The following NDST4 variants were observed in gnomAD, a reference collection of about 807,000 sequenced individuals.
NDST4 encodes the protein N-heparan sulfate sulfotransferase 4.
Under a neutral mutation model 100.8 loss-of-function variants are expected in NDST4, and 63 were observed. The ratio of observed to expected loss-of-function variants is 0.62; its 90% CI spans 0.51 to 0.77. The LOEUF (loss-of-function observed/expected upper bound fraction) is 0.77, where lower values mean the gene tolerates loss of function less well. Ranked by LOEUF, NDST4 falls within the 30% of genes least tolerant of loss-of-function variation. NDST4 has a pLI of 0.00. For missense variants in NDST4, 943 were observed against 1,018.4 expected (o/e 0.93, Z 1.01); for synonymous variants, 377 against 361.8 (o/e 1.04, Z -0.48).
intron 6 of NDST4, among the ~76,000 whole-genome samples, chr4:114,925,886 A>G (rs1725376400): frequency 6.6e-6 from 1 of 152,142 alleles, no homozygotes; most frequent in African/African-American, 2.4e-5. Context: ...ATGAGTAGAA[A>G]AAATTAAATC....
intron 2 of NDST4, 126 bp downstream of exon 2, chr4:115,075,933 G>C (rs1643317727): frequency 8.9e-7 from 1 of 1,120,960 alleles, no homozygotes; most frequent in Admixed American, 2.8e-5. Context: ...TTTTCTAAAT[G>C]GCTATCTTAT....
At chr4:114,881,921 T>G (rs1440452367) in intron 6 of NDST4, among the ~76,000 whole-genome samples, 3 of 152,044 alleles carry the variant, frequency 2.0e-5, no homozygotes, top group African/African-American at 7.2e-5. Context: ...TCTATCAAAG[T>G]GCATTAGGAA....
At chr4:115,075,970 T>C (rs1729171246) in intron 2 of NDST4, 89 bp downstream of exon 2, 6 of 1,443,502 alleles carry the variant, frequency 4.2e-6, no homozygotes, top group African/African-American at 1.4e-5. Flanking sequence ...CTTAAAACTT[T>C]AGGGATTAAT....
intron 6 of NDST4, among the ~76,000 whole-genome samples, chr4:114,916,578 GTGTGTT>G (rs1316072855): frequency 4.9e-5 from 7 of 142,092 alleles, no homozygotes; most frequent in South Asian, 2.2e-4. Context: ...GTGTGTGTGT[GTGTGTT>G]TGTGTGTATG....
At position 115,100,941 on chromosome 4, in the gene NDST4, G is replaced by C. The variant is rs541948657; in HGVS notation, c.-247+12503C>G. On this transcript the variant is annotated intron_variant, in intron 1 of 13. Coordinates refer to ENST00000264363, the MANE Select transcript of NDST4 (RefSeq NM_022569.3). ...AAAAGCGTGGATGGTTATGTTGTTT[G>C]TTAAAGAGACAAGGTCGTGAATATT... Among the ~76,000 whole-genome samples, 4 of 151,604 alleles carry C rather than the reference G, an allele frequency of 2.6e-5. No homozygotes were observed. The South Asian group carries it at 8.3e-4, about 31-fold the overall frequency.
chr4:114,938,305 T>G (rs764660244), intron 4 of NDST4, among the ~76,000 whole-genome samples: 6 of 152,192 alleles, frequency 3.9e-5, no homozygotes, highest in Admixed American at 6.5e-5. Context: ...CTCAATTTGT[T>G]TTTATAAATC....
intron 2 of NDST4, among the ~76,000 whole-genome samples, chr4:115,033,148 TA>T (rs1248508866): frequency 0.047 from 6,130 of 131,342 alleles, 226 homozygotes; most frequent in South Asian, 0.11. Context: ...TATATATATA[TA>T]TATATATATT....
chr4:115,084,626 G>T (rs1273563132), intron 1 of NDST4, among the ~76,000 whole-genome samples: 1 of 152,178 alleles, frequency 6.6e-6, no homozygotes, highest in Admixed American at 6.6e-5. Flanking sequence ...TCCAGCTGTG[G>T]ATAAAAGGGG....
intron 2 of NDST4, among the ~76,000 whole-genome samples, chr4:115,004,433 G>T (rs1727367668): frequency 6.6e-6 from 1 of 152,134 alleles, no homozygotes. Context: ...TTTGCAGACT[G>T]CTTTTGCAGC....
At chr4:114,979,804 T>C (rs1204504820) in intron 2 of NDST4, among the ~76,000 whole-genome samples, 1 of 151,882 alleles carries the variant, frequency 6.6e-6, no homozygotes, top group East Asian at 1.9e-4. Flanking sequence ...TCTGGATTAA[T>C]GAGGGAGTAA....
At chr4:114,853,891 C>T (rs1723732898) in intron 7 of NDST4, among the ~76,000 whole-genome samples, 1 of 152,052 alleles carries the variant, frequency 6.6e-6, no homozygotes, top group Non-Finnish European at 1.5e-5. Context: ...TTGATACAGG[C>T]ATACAATACA....
At chr4:115,003,884 A>G (rs1727354388) in intron 2 of NDST4, among the ~76,000 whole-genome samples, 2 of 152,022 alleles carry the variant, frequency 1.3e-5, no homozygotes, top group African/African-American at 2.4e-5. Context: ...AAAAAAGTTA[A>G]TTATAATTAA....
chr4:114,847,709 G>A (rs116277228), intron 9 of NDST4, among the ~76,000 whole-genome samples: 1 of 151,854 alleles, frequency 6.6e-6, no homozygotes, highest in African/African-American at 2.4e-5. Flanking sequence ...TTTTATGTAC[G>A]TGTGTGACTA....
At chr4:114,946,211 C>T (rs1306082477) in intron 4 of NDST4, among the ~76,000 whole-genome samples, 2 of 152,046 alleles carry the variant, frequency 1.3e-5, no homozygotes, top group Admixed American at 6.6e-5. Flanking sequence ...TGAAGTCTTA[C>T]TTTATTGACA....
intron 2 of NDST4, among the ~76,000 whole-genome samples, chr4:115,017,141 A>G (rs1357684837): frequency 6.6e-6 from 1 of 151,988 alleles, no homozygotes; most frequent in Non-Finnish European, 1.5e-5. Flanking sequence ...TTCAATTACA[A>G]CTAAGTCATT....
At chr4:114,966,490 A>C in intron 4 of NDST4, among the ~76,000 whole-genome samples, 1 of 152,118 alleles carries the variant, frequency 6.6e-6, no homozygotes, top group East Asian at 1.9e-4. Flanking sequence ...TAAAAAATAC[A>C]ATTTTTGAAA....
chr4:114,936,865 A>T (rs1316189037), intron 5 of NDST4, among the ~76,000 whole-genome samples: 1 of 152,212 alleles, frequency 6.6e-6, no homozygotes, highest in Non-Finnish European at 1.5e-5. Flanking sequence ...AACTGAGTGA[A>T]TAAATTTAAC....
chr4:114,838,400 C>G (rs1248413215), intron 11 of NDST4, among the ~76,000 whole-genome samples: 2 of 152,096 alleles, frequency 1.3e-5, no homozygotes, highest in Non-Finnish European at 2.9e-5. Context: ...TTCACAATAG[C>G]AAAGACTTGG....
intron 10 of NDST4, 73 bp from the exon 11 acceptor site, chr4:114,839,621 G>T: frequency 7.5e-7 from 1 of 1,339,574 alleles, no homozygotes; most frequent in Non-Finnish European, 1.0e-6. Flanking sequence ...GTGTATGGGT[G>T]AGCACATGCA....
Sources: allele counts gnomAD v4.1 joint callset (sites outside exome capture counted in the v4.1 genomes callset), GRCh38; gene constraint gnomAD v4.1.1; transcripts MANE v1.5; gene names NCBI Gene and HGNC (gene_info 2026-07-23, HGNC 2026-07-21).